The following TXNRD2 variants were observed in gnomAD, a reference collection of about 807,000 sequenced individuals.
The protein encoded by TXNRD2 is thioredoxin reductase 2, mitochondrial.
Under a neutral mutation model 70.8 loss-of-function variants are expected in TXNRD2, and 67 were observed. The ratio of observed to expected loss-of-function variants is 0.95; its 90% confidence interval spans 0.78 to 1.16. The LOEUF (loss-of-function observed/expected upper bound fraction) is 1.16, where lower values mean the gene tolerates loss of function less well. Among genes scored for constraint, TXNRD2 ranks in the 50% most tolerant of loss-of-function variants. TXNRD2 has a pLI of 0.00. For synonymous variants in TXNRD2, 301 were observed against 295.8 expected, an observed-to-expected ratio of 1.02 and a Z score of -0.18; for missense variants, 644 against 719.9, an observed-to-expected ratio of 0.89 and a Z score of 1.21.
rs541622693 is a variant in TXNRD2 at position 19,917,003 on chromosome 22, T to G, written c.449+1140A>C. 8.9e-4 allele frequency among the ~76,000 whole-genome samples: 136 copies of G among 152,350 alleles called. 1 individual carries two copies. The highest frequency in any genetic ancestry group is 3.2e-3 in the African/African-American group (134 of 41,588). On this transcript the variant is annotated intron_variant, in intron 5 of 17. Transcript: ENST00000400521. ...CCTGCCTTCTCCCCACTGGCAAGCC[T>G]GTGCCTCTATGGGCTGTCTGAGCTG...
At chr22:19,909,577 A>ACACACACACAC (rs1940236289) in intron 8 of TXNRD2, among the ~76,000 whole-genome samples, 1 of 38,804 alleles carries the variant, frequency 2.6e-5, no homozygotes, top group African/African-American at 8.6e-5. Flanking sequence ...TACACACACC[A>ACACACACACAC]CACACACACA....
At chr22:19,941,140 T>C (rs1941698198) in intron 1 of TXNRD2, among the ~76,000 whole-genome samples, 1 of 152,138 alleles carries the variant, frequency 6.6e-6, no homozygotes, top group Non-Finnish European at 1.5e-5. Context: ...GGTGGCGCTC[T>C]GGTCGGATCT....
intron 2 of TXNRD2, among the ~76,000 whole-genome samples, chr22:19,929,008 A>G (rs934216327): frequency 7.0e-6 from 1 of 143,286 alleles, no homozygotes; most frequent in Non-Finnish European, 1.5e-5. Flanking sequence ...TCGCTTGCAA[A>G]AAAAAAAAAG....
At chr22:19,905,144 G>A (rs1057148934) in intron 8 of TXNRD2, among the ~76,000 whole-genome samples, 2 of 151,978 alleles carry the variant, frequency 1.3e-5, no homozygotes, top group East Asian at 1.9e-4. Context: ...TAACAGCGCC[G>A]GACAAAAGCC....
intron 8 of TXNRD2, chr22:19,910,864 CAGG>C (rs1241503300): frequency 4.1e-6 from 1 of 241,886 alleles, no homozygotes; most frequent in African/African-American, 2.4e-5. Flanking sequence ...CACCTGAGGT[CAGG>C]AGTTCAAGAC....
chr22:19,930,500 T>A (rs1324067983), intron 2 of TXNRD2, among the ~76,000 whole-genome samples: 2 of 152,054 alleles, frequency 1.3e-5, no homozygotes, highest in East Asian at 3.9e-4. Flanking sequence ...TCGCCCAACA[T>A]CTTTACTCAA....
chr22:19,935,883 T>A (rs5746848), intron 1 of TXNRD2, among the ~76,000 whole-genome samples: 1 of 151,544 alleles, frequency 6.6e-6, no homozygotes, highest in Non-Finnish European at 1.5e-5. Context: ...AATGCTTGTT[T>A]GGCTCCCCAA....
intron 2 of TXNRD2, among the ~76,000 whole-genome samples, chr22:19,923,744 G>A (rs1239759742): frequency 6.6e-6 from 1 of 151,732 alleles, no homozygotes; most frequent in Non-Finnish European, 1.5e-5. Flanking sequence ...AGAGGTTGCA[G>A]TGAGCCGAGA....
At chr22:19,882,464 G>A (rs1271212476) in intron 12 of TXNRD2, among the ~76,000 whole-genome samples, 1 of 152,146 alleles carries the variant, frequency 6.6e-6, no homozygotes, top group African/African-American at 2.4e-5. Flanking sequence ...GTCCCAAAGT[G>A]CTGGGATTAC....
At chr22:19,877,322 G>C in intron 16 of TXNRD2, 88 bp from the exon 17 acceptor site, 1 of 1,254,042 alleles carries the variant, frequency 8.0e-7, no homozygotes, top group South Asian at 1.3e-5. Context: ...GAGGGCCTCA[G>C]AGGCTGCTGG....
chr22:19,909,887 T>TACTCACACACACACCA (rs1569093955), intron 8 of TXNRD2, among the ~76,000 whole-genome samples: 3 of 7,656 alleles, frequency 3.9e-4, no homozygotes, highest in Admixed American at 3.0e-3. Flanking sequence ...CACACACCAC[T>TACTCACACACACACCA]CACACACACA....
intron 2 of TXNRD2, among the ~76,000 whole-genome samples, chr22:19,924,190 TC>T (rs1414300252): frequency 6.6e-6 from 1 of 151,884 alleles, no homozygotes; most frequent in Non-Finnish European, 1.5e-5. Context: ...GATTAGTGTA[TC>T]CCCAGACCCT....
intron 12 of TXNRD2, 133 bp downstream of exon 12, chr22:19,883,192 G>A: frequency 8.4e-7 from 1 of 1,196,198 alleles, no homozygotes; most frequent in Admixed American, 2.4e-5. Context: ...TGGCCCTGGG[G>A]TTTGGCCCAG....
At chr22:19,884,031 G>A (rs139656382) in intron 11 of TXNRD2, 2,855 of 155,220 alleles carry the variant, frequency 0.018, 87 homozygotes, top group African/African-American at 0.066. Flanking sequence ...GCATGCACCC[G>A]TAATCCCAGC....
At chr22:19,912,835 T>C (rs534712662) in intron 7 of TXNRD2, among the ~76,000 whole-genome samples, 13 of 152,326 alleles carry the variant, frequency 8.5e-5, no homozygotes, top group African/African-American at 3.1e-4. Context: ...CTCCTTTCCC[T>C]GTTTCCACAG....
At chr22:19,911,568 G>A (rs1344992686) in intron 7 of TXNRD2, 121 bp from the exon 8 acceptor site, 4 of 777,206 alleles carry the variant, frequency 5.1e-6, no homozygotes. Flanking sequence ...ACATGCACAG[G>A]GCTTCCCTGC....
At position 19,915,218 on chromosome 22, in the gene TXNRD2, G is replaced by A. The variant is rs531899091; in HGVS notation, c.587C>T (p.Thr196Met). ...CTATGCTCTGGGGACACTCACGTGC[G>A]TGGGGTATCTCGGCCGCCCTCCAGT... ...IATGGRPRYP[T>M]HIEGALEYGI... The change falls in exon 7 of 18, where the codon ACG becomes ATG. Residue 196 changes from threonine (T) to methionine (M), a missense_variant. This residue lies in a region of TXNRD2 where 566 missense variants were observed against 645.0 expected (regional missense o/e 0.88). Transcript: ENST00000400521. 9 of 1,613,804 alleles carry A rather than the reference G, an allele frequency of 5.6e-6. No individual in the cohort carries two copies. Among genetic ancestry groups the A allele is most frequent in the East Asian group, 2.2e-5 (1 of 44,878 alleles).
Position 19,877,073 on chromosome 22 carries a change from G to T in TXNRD2, c.*32C>A. ...GGCCTCCGAGGAGCTGGCGGCGGGC[G>T]CACCGTGTGCCCTGGCCTGCAGGGA... On this transcript the variant is annotated 3_prime_UTR_variant, in exon 17 of 18. Transcript: ENST00000400521. The T allele has an allele frequency of 6.4e-7, 1 of 1,574,304 alleles. No individual in the cohort carries two copies. The highest frequency in any genetic ancestry group is 8.7e-7 in the Non-Finnish European group (1 of 1,150,746).
At chr22:19,909,575 C>CCATTCACACACA (rs761210628) in intron 8 of TXNRD2, among the ~76,000 whole-genome samples, 2 of 121,576 alleles carry the variant, frequency 1.6e-5, no homozygotes, top group South Asian at 6.2e-4. Flanking sequence ...CATACACACA[C>CCATTCACACACA]CACACACACA....
Sources: gnomAD v4.1 joint callset for allele counts (sites outside exome capture counted in the v4.1 genomes callset) on GRCh38, gnomAD v4.1.1 for gene constraint, gnomAD v4.1.1 regional missense constraint, MANE v1.5 for transcripts, NCBI Gene and HGNC (gene_info 2026-07-23, HGNC 2026-07-21) for gene names.